The following ATRNL1 variants were observed in gnomAD, a reference collection of about 807,000 sequenced individuals.
ATRNL1 encodes the protein attractin-like protein 1.
In ATRNL1, 95 loss-of-function variants were observed where a neutral mutation model predicts 182.7. The ratio of observed to expected loss-of-function variants is 0.52; its 90% CI spans 0.44 to 0.62. The LOEUF (loss-of-function observed/expected upper bound fraction) is 0.62. Among genes scored for constraint, ATRNL1 ranks in the 20% least tolerant of loss-of-function variants. The probability of loss-of-function intolerance (pLI) is 0.00; values close to 1 mark genes in which losing one functional copy is unlikely to be tolerated. For missense variants in ATRNL1, 1,471 were observed against 1,679.5 expected, an observed-to-expected ratio of 0.88 and a Z score of 2.17; for synonymous variants, 576 against 568.3, an observed-to-expected ratio of 1.01 and a Z score of -0.19.
At chr10:115,792,309 A>G (rs1949548290) in intron 27 of ATRNL1, among the ~76,000 whole-genome samples, 1 of 152,050 alleles carries the variant, frequency 6.6e-6, no homozygotes. Context: ...AGTCCAGAGA[A>G]CTGTACTCAT....
chr10:115,133,155 GCC>G (rs1845336302), intron 5 of ATRNL1, among the ~76,000 whole-genome samples: 2 of 152,166 alleles, frequency 1.3e-5, no homozygotes, highest in Admixed American at 1.3e-4. Context: ...CATATGGCTA[GCC>G]AGTTTTCCCA....
chr10:115,897,853 G>C (rs1185568183), intron 28 of ATRNL1, among the ~76,000 whole-genome samples: 2 of 152,038 alleles, frequency 1.3e-5, no homozygotes, highest in African/African-American at 4.8e-5. Flanking sequence ...GGTCATAAGT[G>C]ATCATTCATG....
At chr10:115,369,317 G>C (rs1179106481) in intron 19 of ATRNL1, among the ~76,000 whole-genome samples, 2 of 138,560 alleles carry the variant, frequency 1.4e-5, no homozygotes, top group Admixed American at 1.5e-4. Flanking sequence ...GGGGAAGGGG[G>C]TTCCATGAGG....
intron 26 of ATRNL1, among the ~76,000 whole-genome samples, chr10:115,559,409 GGTGTTT>G (rs1344311868): frequency 2.8e-4 from 38 of 135,496 alleles, no homozygotes; most frequent in African/African-American, 1.1e-3. Flanking sequence ...TCTCATTCTT[GGTGTTT>G]GTGTGTGTGT....
intron 26 of ATRNL1, among the ~76,000 whole-genome samples, chr10:115,640,832 A>G (rs565342257): frequency 6.6e-6 from 1 of 152,276 alleles, no homozygotes; most frequent in East Asian, 1.9e-4. Flanking sequence ...TGTTTTAATC[A>G]TGAAGTCTTT....
chr10:115,417,218 A>G (rs1445040428), intron 20 of ATRNL1, among the ~76,000 whole-genome samples: 3 of 152,212 alleles, frequency 2.0e-5, no homozygotes, highest in Non-Finnish European at 4.4e-5. Flanking sequence ...GGGGTCTAGG[A>G]GCAATCATGT....
chr10:115,156,372 GT>G (rs1846518705), intron 5 of ATRNL1, among the ~76,000 whole-genome samples: 1 of 152,096 alleles, frequency 6.6e-6, no homozygotes, highest in Admixed American at 6.6e-5. Flanking sequence ...GAAGGAATTG[GT>G]TTGGGAGGAA....
chr10:115,835,956 TCC>T (rs2134323633), intron 27 of ATRNL1, among the ~76,000 whole-genome samples: 1 of 152,230 alleles, frequency 6.6e-6, no homozygotes, highest in Admixed American at 6.5e-5. Context: ...TTCTGCTCTG[TCC>T]CCCCACACCG....
rs115819826 is a variant in ATRNL1 at position 115,440,397 on chromosome 10, G to T, written c.3322+14095G>T. Among the ~76,000 whole-genome samples the T allele has an allele frequency of 9.8e-3, 1,484 of 151,784 alleles. 30 individuals are homozygous for T. Among genetic ancestry groups the T allele is most frequent in the African/African-American group, 0.034 (1,428 of 41,452 alleles). On this transcript the variant is annotated intron_variant, in intron 21 of 28. Transcript: ENST00000355044. ...TATGGGTTTCCTGACCCATGCACTA[G>T]GGTATAACAATGGTATTACCCGATA...
intron 24 of ATRNL1, among the ~76,000 whole-genome samples, chr10:115,478,069 T>C (rs1848611699): frequency 1.3e-5 from 2 of 151,764 alleles, no homozygotes; most frequent in Non-Finnish European, 2.9e-5. Flanking sequence ...GAAGGTTTTT[T>C]GTTTGTTTTT....
chr10:115,728,978 C>T (rs778937592), intron 27 of ATRNL1, among the ~76,000 whole-genome samples: 2 of 151,976 alleles, frequency 1.3e-5, no homozygotes, highest in Non-Finnish European at 2.9e-5. Flanking sequence ...TCTTTTTATC[C>T]CCATCTGTTT....
intron 27 of ATRNL1, among the ~76,000 whole-genome samples, chr10:115,762,429 A>T (rs2960712): frequency 6.6e-6 from 1 of 151,914 alleles, no homozygotes; most frequent in Non-Finnish European, 1.5e-5. Context: ...CTAGAAAATA[A>T]TGAAAAGTTC....
chr10:115,809,981 T>C (rs1555086584), intron 27 of ATRNL1, among the ~76,000 whole-genome samples: 1 of 152,010 alleles, frequency 6.6e-6, no homozygotes, highest in Admixed American at 6.6e-5. Flanking sequence ...CTTAGTTTGC[T>C]GAGAAATTTT....
At chr10:115,096,792 G>A in intron 1 of ATRNL1, 1 of 1,226,342 alleles carries the variant, frequency 8.2e-7, no homozygotes, top group Non-Finnish European at 1.0e-6. Flanking sequence ...GTTTCCATTT[G>A]AAAAGAATAA....
intron 27 of ATRNL1, among the ~76,000 whole-genome samples, chr10:115,785,216 A>T (rs782248569): frequency 1.3e-5 from 2 of 152,220 alleles, no homozygotes; most frequent in South Asian, 2.1e-4. Flanking sequence ...AGACATTCTC[A>T]TTCCAAAAGG....
chr10:115,601,326 C>A (rs1480298583), intron 26 of ATRNL1, among the ~76,000 whole-genome samples: 1 of 151,930 alleles, frequency 6.6e-6, no homozygotes, highest in East Asian at 1.9e-4. Context: ...TCATGCATGT[C>A]CTATATATGT....
chr10:115,294,531 T>A (rs1853083877), intron 15 of ATRNL1, among the ~76,000 whole-genome samples: 1 of 152,230 alleles, frequency 6.6e-6, no homozygotes, highest in Non-Finnish European at 1.5e-5. Flanking sequence ...TATTCTCCTA[T>A]ATCTCACTGA....
chr10:115,261,361 G>A (rs2133870300), intron 10 of ATRNL1, among the ~76,000 whole-genome samples: 1 of 152,234 alleles, frequency 6.6e-6, no homozygotes, highest in Non-Finnish European at 1.5e-5. Context: ...TGAAGTATGA[G>A]ATTAAATAAA....
intron 24 of ATRNL1, among the ~76,000 whole-genome samples, chr10:115,479,529 T>A (rs1848669945): frequency 6.6e-6 from 1 of 151,472 alleles, no homozygotes; most frequent in African/African-American, 2.4e-5. Context: ...ATAGGGTGTT[T>A]TATGTTTTAG....
Sources: gnomAD v4.1 joint callset for allele counts (sites outside exome capture counted in the v4.1 genomes callset) on GRCh38, gnomAD v4.1.1 for gene constraint, MANE v1.5 for transcripts, NCBI Gene and HGNC (gene_info 2026-07-23, HGNC 2026-07-21) for gene names.